NRXN3: variants seen among roughly 807,000 people sequenced by gnomAD.
NRXN3 encodes the protein neurexin 3, also known as neurexin III.
A neutral mutation model predicts 137.6 loss-of-function variants in NRXN3; 32 were observed. That is an observed-to-expected ratio of 0.23 (90% confidence interval 0.18 to 0.31). The LOEUF (loss-of-function observed/expected upper bound fraction) is 0.31, where lower values mean the gene tolerates loss of function less well. Ranked by LOEUF, NRXN3 falls within the 10% of genes least tolerant of loss-of-function variation. NRXN3 has a pLI of 1.00. For missense variants in NRXN3, 1,574 were observed against 2,062.5 expected (o/e 0.76, Z 4.59); for synonymous variants, 798 against 784.5 (o/e 1.02, Z -0.29).
chr14:78,739,740 C>A (rs1335959869), intron 8 of NRXN3, among the ~76,000 whole-genome samples: 1 of 152,120 alleles, frequency 6.6e-6, no homozygotes, highest in Non-Finnish European at 1.5e-5. Flanking sequence ...CAGGTGTGAG[C>A]CACCACATCC....
intron 10 of NRXN3, among the ~76,000 whole-genome samples, chr14:78,949,995 A>C (rs2099384049): frequency 6.6e-6 from 1 of 152,208 alleles, no homozygotes; most frequent in African/African-American, 2.4e-5. Context: ...ATTCAGCTTC[A>C]AAATCTGTGA....
chr14:79,773,767 T>C (rs2099087437), intron 19 of NRXN3, among the ~76,000 whole-genome samples: 2 of 148,466 alleles, frequency 1.3e-5, no homozygotes, highest in South Asian at 4.3e-4. Context: ...ACCCTAAAAC[T>C]TAGAGTATAA....
chr14:79,223,303 C>T (rs1405282876), intron 15 of NRXN3, among the ~76,000 whole-genome samples: 1 of 152,100 alleles, frequency 6.6e-6, no homozygotes, highest in Non-Finnish European at 1.5e-5. Flanking sequence ...TTGTTCATTA[C>T]TCTGCTGAAT....
rs1273637824 is a variant in NRXN3 at position 79,156,297 on chromosome 14, T to C, written c.3262+168156T>C. Reference sequence around the variant, plus strand: ...AGCTAGCATGTCAGGCAATCTGATCTGGCACCTGCAATCTTAACCTTTCCT... The same window carrying C: ...AGCTAGCATGTCAGGCAATCTGATCCGGCACCTGCAATCTTAACCTTTCCT... On this transcript the variant is annotated intron_variant, in intron 15 of 20. Coordinates refer to ENST00000335750, the MANE Select transcript of NRXN3 (RefSeq NM_001330195.2). Among the ~76,000 whole-genome samples the C allele has an allele frequency of 2.6e-5, 4 of 152,002 alleles. No homozygotes were observed. The East Asian group carries it at 7.8e-4, about 30-fold the overall frequency.
chr14:78,498,130 G>A (rs2095818974), intron 4 of NRXN3, among the ~76,000 whole-genome samples: 3 of 152,152 alleles, frequency 2.0e-5, no homozygotes, highest in Admixed American at 2.0e-4. Context: ...CATGGACAAT[G>A]CCCTGTATAT....
intron 8 of NRXN3, among the ~76,000 whole-genome samples, chr14:78,801,642 G>C (rs1031692480): frequency 6.6e-6 from 1 of 152,154 alleles, no homozygotes; most frequent in Non-Finnish European, 1.5e-5. Flanking sequence ...TGAGATTTGG[G>C]TGGGGACACA....
intron 15 of NRXN3, among the ~76,000 whole-genome samples, chr14:79,382,177 C>T (rs4899741): frequency 0.72 from 109,781 of 152,072 alleles, 39,854 homozygotes; most frequent in Middle Eastern, 0.86. Flanking sequence ...ACATCCCTGG[C>T]ATATAGCAGT....
intron 14 of NRXN3, among the ~76,000 whole-genome samples, chr14:78,979,823 C>T (rs1434103064): frequency 6.6e-6 from 1 of 152,044 alleles, no homozygotes; most frequent in Non-Finnish European, 1.5e-5. Flanking sequence ...AGGGGAACTC[C>T]CCTTTATAAA....
intron 4 of NRXN3, among the ~76,000 whole-genome samples, chr14:78,327,010 T>G (rs888163627): frequency 6.6e-6 from 1 of 152,066 alleles, no homozygotes; most frequent in African/African-American, 2.4e-5. Context: ...GTTATGGTTG[T>G]GAGGATTAAA....
At position 79,658,481 on chromosome 14, in the gene NRXN3, A is replaced by G. The variant is rs553185688; in HGVS notation, c.3445-5297A>G. Among the ~76,000 whole-genome samples, 52 of 152,300 alleles carry G rather than the reference A, an allele frequency of 3.4e-4. No individual in the cohort carries two copies. In the Middle Eastern group the frequency reaches 0.017, roughly 50 times the overall value. On this transcript the variant is annotated intron_variant, in intron 16 of 20. Coordinates refer to ENST00000335750, the MANE Select transcript of NRXN3 (RefSeq NM_001330195.2). Reference sequence around the variant, plus strand: ...TGGGTGCAGTGGTTGACAACAAATGAGAGAACTCTCGTGGGTCTCACACCA... The same window carrying G: ...TGGGTGCAGTGGTTGACAACAAATGGGAGAACTCTCGTGGGTCTCACACCA...
chr14:79,020,091 G>A (rs2099586106), intron 15 of NRXN3, among the ~76,000 whole-genome samples: 1 of 151,210 alleles, frequency 6.6e-6, no homozygotes, highest in African/African-American at 2.4e-5. Flanking sequence ...TATGGATAAG[G>A]CTAGGGATGG....
At chr14:79,236,217 C>A (rs979159211) in intron 15 of NRXN3, among the ~76,000 whole-genome samples, 3 of 152,088 alleles carry the variant, frequency 2.0e-5, no homozygotes, top group Admixed American at 2.0e-4. Context: ...ACACACACTT[C>A]CACTCACCTT....
chr14:78,629,964 C>T (rs1270186624), intron 4 of NRXN3, among the ~76,000 whole-genome samples: 1 of 152,216 alleles, frequency 6.6e-6, no homozygotes, highest in Non-Finnish European at 1.5e-5. Context: ...ATCACACTAA[C>T]TCGATGCCCT....
intron 15 of NRXN3, among the ~76,000 whole-genome samples, chr14:79,143,518 C>T (rs772240206): frequency 5.3e-5 from 8 of 152,176 alleles, no homozygotes; most frequent in African/African-American, 7.2e-5. Context: ...GACATGGTAC[C>T]TTCTTAAATC....
intron 15 of NRXN3, among the ~76,000 whole-genome samples, chr14:79,365,725 C>CAAAAAAAAAACA (rs2093859206): frequency 2.4e-5 from 1 of 42,408 alleles, no homozygotes; most frequent in African/African-American, 9.7e-5. Context: ...GACTCTGTCT[C>CAAAAAAAAAACA]AAAAAAAAAA....
intron 15 of NRXN3, among the ~76,000 whole-genome samples, chr14:79,163,659 A>G (rs1270881791): frequency 6.6e-6 from 1 of 151,870 alleles, no homozygotes; most frequent in Non-Finnish European, 1.5e-5. Context: ...TAGTAAGCAA[A>G]TGTCCCCTGG....
chr14:78,654,549 G>A (rs1037211277), intron 6 of NRXN3, among the ~76,000 whole-genome samples: 4 of 152,162 alleles, frequency 2.6e-5, no homozygotes, highest in Admixed American at 2.6e-4. Context: ...TGTGCCAAAG[G>A]GACTGGATAT....
intron 15 of NRXN3, among the ~76,000 whole-genome samples, chr14:79,020,861 TTA>T (rs1491474907): frequency 2.2e-5 from 1 of 44,448 alleles, no homozygotes; most frequent in African/African-American, 6.0e-5. Flanking sequence ...TGCTTGCATT[TTA>T]CACACACACA....
chr14:79,326,041 A>G (rs1209341115), intron 15 of NRXN3, among the ~76,000 whole-genome samples: 1 of 152,224 alleles, frequency 6.6e-6, no homozygotes. Context: ...CAGTGATGAG[A>G]TAAAAGCAGC....
Sources: allele counts gnomAD v4.1 joint callset (sites outside exome capture counted in the v4.1 genomes callset), GRCh38; gene constraint gnomAD v4.1.1; transcripts MANE v1.5; gene names NCBI Gene and HGNC (gene_info 2026-07-23, HGNC 2026-07-21).